Variants in ZNF618 observed in about 807,000 individuals in gnomAD.
The protein encoded by ZNF618 is neural precursor cell expressed, developmentally down-regulated 10.
A neutral mutation model predicts 103.0 loss-of-function variants in ZNF618; 34 were observed. The observed-to-expected ratio is 0.33, with a 90% confidence interval of 0.25 to 0.44. The LOEUF (loss-of-function observed/expected upper bound fraction) is 0.44, where lower values mean the gene tolerates loss of function less well. ZNF618 is among the 20% of genes least tolerant of loss of function. The pLI, the probability that ZNF618 is intolerant of heterozygous loss-of-function variation, is 1.00. For synonymous variants in ZNF618, 551 were observed against 542.2 expected (o/e 1.02, Z -0.23); for missense variants, 1,059 against 1,295.4 (o/e 0.82, Z 2.80).
intron 3 of ZNF618, among the ~76,000 whole-genome samples, chr9:113,993,162 C>T (rs1840237572): frequency 6.6e-6 from 1 of 152,208 alleles, no homozygotes. Context: ...GCAGACCACA[C>T]TTGAGGTTTC....
chr9:113,892,847 T>G (rs1829727861), intron 1 of ZNF618, among the ~76,000 whole-genome samples: 1 of 152,240 alleles, frequency 6.6e-6, no homozygotes, highest in African/African-American at 2.4e-5. Flanking sequence ...AATTGAATGA[T>G]CCATCTTTTC....
At chr9:114,029,584 G>A (rs1843820103) in intron 11 of ZNF618, among the ~76,000 whole-genome samples, 1 of 152,064 alleles carries the variant, frequency 6.6e-6, no homozygotes, top group Non-Finnish European at 1.5e-5. Context: ...TTGCCTGCCT[G>A]GACCCTGTTG....
intron 1 of ZNF618, among the ~76,000 whole-genome samples, chr9:113,907,481 C>A (rs1365428039): frequency 6.6e-6 from 1 of 152,224 alleles, no homozygotes; most frequent in Non-Finnish European, 1.5e-5. Flanking sequence ...TCTCTTGCCA[C>A]CCCGGGCAGG....
In ZNF618 at chr9:114,032,715, G is replaced by T. The variant is rs188014542; in HGVS notation, c.1155G>T (p.Ser385=). ...ACTTTGAAGAGACGAACAGCAGTTC[G>T]CAGAACTCCAGCGGTGAGTGTGCCC... ...QNHFEETNSS[S]QNSSEPYTCG... Residue 385 remains serine, a synonymous_variant, in exon 12 of 15, where the codon TCG becomes TCT. Coordinates refer to ENST00000374126, the MANE Select transcript of ZNF618 (RefSeq NM_001318042.2). The T allele has an allele frequency of 5.0e-5, 80 of 1,613,892 alleles. No individual in the cohort carries two copies. The highest frequency in any genetic ancestry group is 6.1e-5 in the Non-Finnish European group (72 of 1,179,874).
chr9:113,972,864 T>G (rs1838108961), intron 2 of ZNF618, among the ~76,000 whole-genome samples: 1 of 152,078 alleles, frequency 6.6e-6, no homozygotes, highest in Non-Finnish European at 1.5e-5. Context: ...GTCAGGAGTT[T>G]GAGACCAGCC....
intron 13 of ZNF618, among the ~76,000 whole-genome samples, chr9:114,045,647 G>A (rs1367064052): frequency 4.6e-5 from 7 of 152,020 alleles, no homozygotes; most frequent in African/African-American, 1.4e-4. Context: ...AAATCAGGAA[G>A]TATATTCCTC....
At chr9:114,028,554 G>A (rs1388556178) in intron 10 of ZNF618, 179 bp from the exon 11 acceptor site, 2 of 966,366 alleles carry the variant, frequency 2.1e-6, no homozygotes, top group African/African-American at 3.3e-5. Context: ...CTGACAGAAG[G>A]TTCCAGACTC....
intron 1 of ZNF618, among the ~76,000 whole-genome samples, chr9:113,943,505 A>T (rs1834734455): frequency 6.6e-6 from 1 of 152,046 alleles, no homozygotes; most frequent in South Asian, 2.1e-4. Context: ...GAGCTCCTGT[A>T]TCCCATCTCA....
intron 1 of ZNF618, among the ~76,000 whole-genome samples, chr9:113,903,149 C>T (rs1025485002): frequency 6.6e-6 from 1 of 152,212 alleles, no homozygotes; most frequent in African/African-American, 2.4e-5. Context: ...CCTTGAATCC[C>T]ATCTAAGGAC....
intron 1 of ZNF618, among the ~76,000 whole-genome samples, chr9:113,946,648 C>T (rs1450161313): frequency 2.0e-5 from 3 of 152,162 alleles, no homozygotes; most frequent in Non-Finnish European, 2.9e-5. Context: ...TCAGCATCAC[C>T]GCTGAAGAGT....
intron 13 of ZNF618, among the ~76,000 whole-genome samples, chr9:114,041,800 T>C (rs1169545443): frequency 6.6e-6 from 1 of 152,236 alleles, no homozygotes; most frequent in Admixed American, 6.5e-5. Context: ...TAGGATTGTC[T>C]TGGCAATGCG....
chr9:113,894,531 T>C (rs902583155), intron 1 of ZNF618, among the ~76,000 whole-genome samples: 9 of 152,244 alleles, frequency 5.9e-5, no homozygotes. Context: ...GTATTTGTAA[T>C]TGTAAATGTC....
rs375515001 is a variant in ZNF618, at chr9:113,969,081, C to T, written c.34-36C>T. 70 of 1,613,662 alleles carry T rather than the reference C, an allele frequency of 4.3e-5. No individual in the cohort carries two copies. The African/African-American group carries it at 8.7e-4, about 20-fold the overall frequency. ...AGCAGGTCAAATCTGCATCTTCTGC[C>T]TTGGCTGATGTAGGTGTTTTGGGTT... On this transcript the variant is annotated intron_variant, in intron 1 of 14. Transcript: ENST00000374126.
At chr9:113,959,855 C>G (rs1836680181) in intron 1 of ZNF618, among the ~76,000 whole-genome samples, 1 of 152,166 alleles carries the variant, frequency 6.6e-6, no homozygotes, top group South Asian at 2.1e-4. Context: ...GTGATCCACC[C>G]GCCTCGGCCT....
At chr9:113,951,498 TGTACAC>T (rs1835695420) in intron 1 of ZNF618, among the ~76,000 whole-genome samples, 4 of 102,438 alleles carry the variant, frequency 3.9e-5, no homozygotes, top group African/African-American at 1.0e-4. Context: ...TGTGTGTATG[TGTACAC>T]ATATATGTGT....
chr9:113,985,495 G>A (rs909590981), intron 2 of ZNF618, among the ~76,000 whole-genome samples: 6 of 152,238 alleles, frequency 3.9e-5, no homozygotes, highest in African/African-American at 1.4e-4. Context: ...GTGGTGTCCT[G>A]CAGCTAGGCG....
At chr9:113,960,010 G>A (rs182281117) in intron 1 of ZNF618, among the ~76,000 whole-genome samples, 1 of 152,320 alleles carries the variant, frequency 6.6e-6, no homozygotes, top group East Asian at 1.9e-4. Flanking sequence ...TGAAGGAAAC[G>A]AGGCCCTCTG....
rs116391500 is a variant in ZNF618 at position 113,966,699 on chromosome 9, G to A, written c.34-2418G>A. On this transcript the variant is annotated intron_variant, in intron 1 of 14. Coordinates refer to ENST00000374126, the MANE Select transcript of ZNF618 (RefSeq NM_001318042.2). ...CTGTGATACTGACACATGTGTCTTG[G>A]ACATCTCCCACTGAATCCATTGTCC... 2.1e-3 allele frequency among the ~76,000 whole-genome samples: 326 copies of A among 152,232 alleles called. 1 individual carries two copies. The highest frequency in any genetic ancestry group is 7.6e-3 in the African/African-American group (315 of 41,528).
At chr9:113,986,476 G>A (rs191907677) in intron 2 of ZNF618, among the ~76,000 whole-genome samples, 1 of 152,306 alleles carries the variant, frequency 6.6e-6, no homozygotes, top group East Asian at 1.9e-4. Flanking sequence ...CTGGAGGCTG[G>A]AGGTTGTGAT....
Sources: allele counts gnomAD v4.1 joint callset (sites outside exome capture counted in the v4.1 genomes callset), GRCh38; gene constraint gnomAD v4.1.1; transcripts MANE v1.5; gene names NCBI Gene and HGNC (gene_info 2026-07-23, HGNC 2026-07-21).